TPH1: variants seen among roughly 807,000 people sequenced by gnomAD.
The protein encoded by TPH1 is tryptophan 5-hydroxylase 1.
In TPH1, 37 loss-of-function variants were observed where a neutral mutation model predicts 49.5. The ratio of observed to expected loss-of-function variants is 0.75; its 90% CI spans 0.58 to 0.98. The LOEUF is 0.98. Ranked by LOEUF, TPH1 falls within the 50% of genes least tolerant of loss-of-function variation. The pLI, the probability that TPH1 is intolerant of heterozygous loss-of-function variation, is 0.00. For synonymous variants in TPH1, 160 were observed against 182.1 expected (o/e 0.88, Z 0.98); for missense variants, 487 against 523.6 (o/e 0.93, Z 0.68).
At chr11:18,029,644 A>G in intron 4 of TPH1, 65 bp from the exon 5 acceptor site, 1 of 1,330,012 alleles carries the variant, frequency 7.5e-7, no homozygotes, top group Middle Eastern at 1.9e-4. Flanking sequence ...GATATTTGGG[A>G]AACATTTCAT....
At chr11:18,034,101 C>T (rs1285437818) in intron 3 of TPH1, among the ~76,000 whole-genome samples, 1 of 152,200 alleles carries the variant, frequency 6.6e-6, no homozygotes, top group Admixed American at 6.5e-5. Context: ...GTTTATATGT[C>T]TGTCTTACAT....
At chr11:18,044,106 T>C (rs1403045410) in intron 1 of TPH1, among the ~76,000 whole-genome samples, 2 of 152,160 alleles carry the variant, frequency 1.3e-5, no homozygotes, top group Non-Finnish European at 2.9e-5. Context: ...GGCATTTATA[T>C]TATTTTGATG....
intron 2 of TPH1, among the ~76,000 whole-genome samples, chr11:18,036,389 A>G (rs1285407111): frequency 2.0e-5 from 3 of 152,234 alleles, no homozygotes; most frequent in Admixed American, 2.0e-4. Flanking sequence ...GGTCCTTCAG[A>G]TGTCAGAATT....
rs57390279 is a variant in TPH1, at chr11:18,018,665, C to CAAAAAAAAAAAAAAAAAAAAAAAAAAAA, written c.*2298_*2325dup. On this transcript the variant is annotated 3_prime_UTR_variant, in exon 11 of 11. Coordinates refer to ENST00000682019, the MANE Select transcript of TPH1 (RefSeq NM_004179.3). ...TGGGCGACAGAGCAAGACTCCGTCTCAAAAAAAAAAAAAAAAAAAAAAAAA... is the reference window on the plus strand; with the variant it reads ...TGGGCGACAGAGCAAGACTCCGTCTCAAAAAAAAAAAAAAAAAAAAAAAAAAAAAAAAAAAAAAAAAAAAAAAAAAAAA... 1 of 37,016 alleles carries CAAAAAAAAAAAAAAAAAAAAAAAAAAAA rather than the reference C, an allele frequency of 2.7e-5. No homozygotes were observed. Among genetic ancestry groups the CAAAAAAAAAAAAAAAAAAAAAAAAAAAA allele is most frequent in the African/African-American group, 9.8e-5 (1 of 10,204 alleles). The allele number at this position is 37,016 out of a possible 1,614,324, so 2.3% of individuals were successfully genotyped here.
chr11:18,037,663 A>G (rs1217418291), intron 2 of TPH1, among the ~76,000 whole-genome samples: 1 of 152,266 alleles, frequency 6.6e-6, no homozygotes, highest in Non-Finnish European at 1.5e-5. Context: ...AAAAATGTCA[A>G]TCATTCCTAA....
intron 3 of TPH1, among the ~76,000 whole-genome samples, chr11:18,034,445 T>C (rs1055055021): frequency 1.3e-5 from 2 of 152,172 alleles, no homozygotes; most frequent in African/African-American, 4.8e-5. Context: ...AGCAGAGTCC[T>C]AGGCTTCTGC....
chr11:18,025,929 G>A (rs1847924631), intron 7 of TPH1, among the ~76,000 whole-genome samples: 1 of 151,770 alleles, frequency 6.6e-6, no homozygotes, highest in African/African-American at 2.4e-5. Flanking sequence ...ACATCCACAT[G>A]CCACTCCCAA....
At chr11:18,042,507 A>G in intron 1 of TPH1, 1 of 341,150 alleles carries the variant, frequency 2.9e-6, no homozygotes, top group South Asian at 2.4e-5. Flanking sequence ...CTGCAAATCC[A>G]TCTAGGCAAG....
At chr11:18,044,755 C>A (rs11024451) in intron 1 of TPH1, among the ~76,000 whole-genome samples, 33,575 of 150,086 alleles carry the variant, frequency 0.22, 3,922 homozygotes, top group Non-Finnish European at 0.26. Context: ...TTCAGGAAAA[C>A]AAAACAAAAC....
intron 8 of TPH1, 25 bp downstream of exon 8, chr11:18,025,550 A>T: frequency 6.2e-7 from 1 of 1,613,514 alleles, no homozygotes; most frequent in East Asian, 2.2e-5. Flanking sequence ...CCCAGGTGAA[A>T]ATATAGCTAA....
At chr11:18,025,885 C>T (rs766062418) in intron 7 of TPH1, among the ~76,000 whole-genome samples, 184 bp from the exon 8 acceptor site, 5 of 152,132 alleles carry the variant, frequency 3.3e-5, no homozygotes, top group African/African-American at 1.2e-4. Context: ...GCCACTCAGA[C>T]TCACACATAT....
intron 1 of TPH1, among the ~76,000 whole-genome samples, 97 bp downstream of exon 1, chr11:18,046,143 TC>T (rs1381893324): frequency 6.6e-6 from 1 of 152,048 alleles, no homozygotes; most frequent in Non-Finnish European, 1.5e-5. Flanking sequence ...CCAATTTACC[TC>T]CCGGGAGGGT....
At chr11:18,036,996 A>G (rs1432859549) in intron 2 of TPH1, among the ~76,000 whole-genome samples, 1 of 152,162 alleles carries the variant, frequency 6.6e-6, no homozygotes, top group African/African-American at 2.4e-5. Flanking sequence ...GCAAAGGGAA[A>G]AGCATTACGA....
At chr11:18,035,055 C>T (rs183292776) in intron 3 of TPH1, among the ~76,000 whole-genome samples, 171 of 152,362 alleles carry the variant, frequency 1.1e-3, no homozygotes, top group African/African-American at 3.0e-3. Flanking sequence ...CGCTCCTAGA[C>T]GGAGCTCAGG....
intron 2 of TPH1, 120 bp downstream of exon 2, chr11:18,040,526 C>T (rs1378998988): frequency 1.0e-6 from 1 of 987,836 alleles, no homozygotes; most frequent in African/African-American, 1.7e-5. Flanking sequence ...CACCACCACA[C>T]CCAGCTAAAT....
In TPH1 at chr11:18,018,602, C is replaced by T. The variant is rs906608596; in HGVS notation, c.*2389G>A. The T allele has an allele frequency of 2.3e-5, 3 of 129,260 alleles. No homozygotes were observed. Among genetic ancestry groups the T allele is most frequent in the African/African-American group, 8.7e-5 (3 of 34,292 alleles). 8.0% of individuals were successfully genotyped at this position (129,260 alleles called of 1,614,324 possible). A position where few individuals can be genotyped will look rare whatever the true frequency, so the allele number is the denominator to read the frequency against. ...AATGCCGTGAACCTGGGAGGTGGAG[C>T]TTGCAGTGAGCCAAGATCGCACCAC... On this transcript the variant is annotated 3_prime_UTR_variant, in exon 11 of 11. Transcript: ENST00000682019.
chr11:18,031,860 T>C (rs1847992153), intron 4 of TPH1, among the ~76,000 whole-genome samples: 1 of 152,220 alleles, frequency 6.6e-6, no homozygotes, highest in South Asian at 2.1e-4. Context: ...CTAGAAGTGT[T>C]TGCTCTCTTA....
At chr11:18,030,891 T>C (rs553883490) in intron 4 of TPH1, among the ~76,000 whole-genome samples, 2 of 152,318 alleles carry the variant, frequency 1.3e-5, no homozygotes, top group East Asian at 1.9e-4. Context: ...CTAGTTGGTG[T>C]CTGCAAATTA....
rs760696318 is a variant in TPH1, at chr11:18,029,236, A to C, written c.596T>G (p.Leu199Trp). The C allele has an allele frequency of 1.2e-6, 2 of 1,614,026 alleles. No homozygotes were observed. Among genetic ancestry groups the C allele is most frequent in the African/African-American group, 2.7e-5 (2 of 74,932 alleles). ...ACREYLKNLP[L>W]LSKYCGYRED... ...CCGATATCCACAATATTTAGAAAGCAAAGGTAAGTTTTTGAGATACTCTCT... is the reference window on the plus strand; with the variant it reads ...CCGATATCCACAATATTTAGAAAGCCAAGGTAAGTTTTTGAGATACTCTCT... The change falls in exon 6 of 11, where the codon TTG becomes TGG. Residue 199 changes from leucine to tryptophan, a missense_variant. Leu to Trp is a moderately conservative substitution (Grantham distance 61). Coordinates refer to ENST00000682019, the MANE Select transcript of TPH1 (RefSeq NM_004179.3).
Sources: allele counts gnomAD v4.1 joint callset (sites outside exome capture counted in the v4.1 genomes callset), GRCh38; gene constraint gnomAD v4.1.1; transcripts MANE v1.5; gene names NCBI Gene and HGNC (gene_info 2026-07-23, HGNC 2026-07-21).